The following MAN2A1 variants were observed in gnomAD, a reference collection of about 807,000 sequenced individuals.
MAN2A1 encodes the protein mannosidase alpha class 2A member 1.
Under a neutral mutation model 142.6 loss-of-function variants are expected in MAN2A1, and 76 were observed. The observed-to-expected ratio is 0.53, with a 90% CI of 0.44 to 0.65. MAN2A1 has a LOEUF of 0.65. Ranked by LOEUF, MAN2A1 falls within the 30% of genes least tolerant of loss-of-function variation. MAN2A1 has a pLI of 0.00. For synonymous variants in MAN2A1, 559 were observed against 473.2 expected (o/e 1.18, Z -2.35); for missense variants, 1,311 against 1,365.1 (o/e 0.96, Z 0.62).
At chr5:109,848,863 T>C (rs60094028) in intron 19 of MAN2A1, among the ~76,000 whole-genome samples, 1,917 of 152,322 alleles carry the variant, frequency 0.013, 47 homozygotes, top group African/African-American at 0.043. Context: ...TCCTACCCAA[T>C]TGAGTCAGAG....
At chr5:109,836,379 G>A (rs1424038055) in intron 16 of MAN2A1, among the ~76,000 whole-genome samples, 3 of 151,592 alleles carry the variant, frequency 2.0e-5, no homozygotes, top group Admixed American at 1.3e-4. Context: ...GCCTCCCAAA[G>A]TACTGGAATT....
intron 12 of MAN2A1, among the ~76,000 whole-genome samples, chr5:109,815,131 A>G (rs559660199): frequency 2.3e-4 from 35 of 152,290 alleles, no homozygotes; most frequent in African/African-American, 6.5e-4. Context: ...TTTCTTCCCC[A>G]TTGCACCTTA....
chr5:109,781,416 A>G lies in MAN2A1; in HGVS notation c.1395A>G (p.Ser465=), dbSNP rs1488225052. The change falls in exon 9 of 22, where the codon TCA becomes TCG. Residue 465 remains serine (S), a synonymous_variant. Transcript: ENST00000261483. ...FKVKIQFGTL[S]DFFDALDKAD... is the part of the protein sequence containing the mutation. Reference sequence around the variant, plus strand: ...ACTAGATACAGTTTGGAACTTTATCAGATTTTTTTGATGCGCTGGATAAAG... The same window carrying G: ...ACTAGATACAGTTTGGAACTTTATCGGATTTTTTTGATGCGCTGGATAAAG... 8 of 1,604,130 alleles carry G rather than the reference A, an allele frequency of 5.0e-6. No homozygotes were observed. Among genetic ancestry groups the G allele is most frequent in the Non-Finnish European group, 6.8e-6 (8 of 1,177,408 alleles).
intron 16 of MAN2A1, among the ~76,000 whole-genome samples, chr5:109,832,161 C>CATTTTTT: frequency 2.0e-5 from 1 of 51,228 alleles, no homozygotes. Context: ...AAGGAGTTTT[C>CATTTTTT]TTTTTTTTTT....
chr5:109,817,178 GTATA>G (rs1754484952), intron 12 of MAN2A1, 91 bp from the exon 13 acceptor site: 2 of 222,040 alleles, frequency 9.0e-6, no homozygotes, highest in African/African-American at 1.4e-4. Context: ...AAATATATAT[GTATA>G]TGTATATGTA....
chr5:109,812,809 C>T (rs1754353748), intron 12 of MAN2A1, among the ~76,000 whole-genome samples: 1 of 151,954 alleles, frequency 6.6e-6, no homozygotes, highest in South Asian at 2.1e-4. Context: ...CTATAAAGCC[C>T]CACATCAGTA....
intron 12 of MAN2A1, among the ~76,000 whole-genome samples, chr5:109,806,546 A>G (rs941961365): frequency 1.3e-4 from 20 of 152,224 alleles, no homozygotes; most frequent in Non-Finnish European, 1.5e-4. Flanking sequence ...GTCTGTTAGT[A>G]TTATAAACAA....
intron 19 of MAN2A1, among the ~76,000 whole-genome samples, chr5:109,850,667 A>G (rs1051555813): frequency 6.6e-5 from 10 of 152,204 alleles, no homozygotes; most frequent in African/African-American, 2.4e-4. Context: ...TTATATTGAC[A>G]CTAATCTATA....
At chr5:109,829,377 A>G (rs973199759) in intron 16 of MAN2A1, among the ~76,000 whole-genome samples, 1 of 152,136 alleles carries the variant, frequency 6.6e-6, no homozygotes, top group Non-Finnish European at 1.5e-5. Context: ...CTCTGATGAA[A>G]CTTTCCTGGG....
In MAN2A1 at chr5:109,823,838, G is replaced by T. The variant is rs763949251; in HGVS notation, c.2566+1G>T. On this transcript the variant is annotated splice_donor_variant, in intron 16 of 21. Transcript: ENST00000261483. LOFTEE classifies it high-confidence loss of function. ...AGAGTCCGACTATACCACATACAGGGTAAGAAAATAGGAATGCAGTTATGA... is the reference window on the plus strand; with the variant it reads ...AGAGTCCGACTATACCACATACAGGTTAAGAAAATAGGAATGCAGTTATGA... 6.8e-7 allele frequency: 1 copy of T among 1,462,154 alleles called. No individual in the cohort carries two copies. The highest frequency in any genetic ancestry group is 2.1e-5 in the Admixed American group (1 of 46,906). The allele number at this position is 1,462,154 out of a possible 1,614,324, so 90.6% of individuals were successfully genotyped here. A position where few individuals can be genotyped will look rare whatever the true frequency, so the allele number is the denominator to read the frequency against.
rs933901760 is a variant in MAN2A1 at position 109,755,423 on chromosome 5, A to G, written c.802A>G (p.Ile268Val). The G allele has an allele frequency of 1.9e-6, 3 of 1,611,202 alleles. No homozygotes were observed. The highest frequency in any genetic ancestry group is 1.7e-5 in the Admixed American group (1 of 59,992). The change falls in exon 5 of 22, where the codon ATT becomes GTT. Residue 268 changes from isoleucine (I) to valine (V), a missense_variant. Coordinates refer to ENST00000261483, the MANE Select transcript of MAN2A1 (RefSeq NM_002372.4). ...TTATTTTGCCTTAATTGATCAACTA[A>G]TTGAAGGACATCAGTGGCTGGAAAA... is the stretch of plus-strand genomic sequence containing the variant. ...PHYFALIDQL[I>V]EGHQWLENNI...
chr5:109,828,383 A>C (rs574745001), intron 16 of MAN2A1, among the ~76,000 whole-genome samples: 68 of 152,342 alleles, frequency 4.5e-4, no homozygotes, highest in African/African-American at 1.5e-3. Context: ...AAGATAGAAT[A>C]TAATACAAAC....
chr5:109,807,922 C>T (rs1754211609), intron 12 of MAN2A1, among the ~76,000 whole-genome samples: 1 of 152,160 alleles, frequency 6.6e-6, no homozygotes, highest in South Asian at 2.1e-4. Flanking sequence ...TGAGCCTTCA[C>T]CCCTTAAGTT....
intron 2 of MAN2A1, among the ~76,000 whole-genome samples, chr5:109,715,345 C>T (rs1273542060): frequency 7.4e-6 from 1 of 135,686 alleles, no homozygotes. Context: ...CTAGTTTTAA[C>T]ATAATTTAAA....
At chr5:109,697,240 T>G (rs1420426167) in intron 1 of MAN2A1, among the ~76,000 whole-genome samples, 1 of 152,228 alleles carries the variant, frequency 6.6e-6, no homozygotes, top group Non-Finnish European at 1.5e-5. Context: ...AGTGTATTGT[T>G]TTTATTTCTG....
rs911003774 is a variant in MAN2A1 at position 109,869,490 on chromosome 5, G to A, written c.*2492G>A. The stretch of plus-strand genomic sequence containing the variant: ...TGTTTTGATATTCCTTTGTCTGGAA[G>A]AAAATGTTTGCTTTCATTTTGATCA... On this transcript the variant is annotated 3_prime_UTR_variant, in exon 22 of 22. Coordinates refer to ENST00000261483, the MANE Select transcript of MAN2A1 (RefSeq NM_002372.4). The A allele has an allele frequency of 6.6e-6, 1 of 152,120 alleles. No individual in the cohort carries two copies. Among genetic ancestry groups the A allele is most frequent in the East Asian group, 1.9e-4 (1 of 5,198 alleles). The allele number at this position is 152,120 out of a possible 1,614,324, so 9.4% of individuals were successfully genotyped here. A position where few individuals can be genotyped will look rare whatever the true frequency, so the allele number is the denominator to read the frequency against.
At chr5:109,713,826 T>C in intron 2 of MAN2A1, 52 bp downstream of exon 2, 1 of 1,534,986 alleles carries the variant, frequency 6.5e-7, no homozygotes, top group Non-Finnish European at 8.8e-7. Context: ...TTTTGTTCTT[T>C]TTAAGATTTG....
intron 16 of MAN2A1, among the ~76,000 whole-genome samples, chr5:109,832,733 C>T (rs1355097724): frequency 1.3e-5 from 2 of 149,740 alleles, no homozygotes; most frequent in Non-Finnish European, 3.0e-5. Flanking sequence ...GGCCCCCCCA[C>T]TTCCCTCCCG....
chr5:109,780,611 A>T (rs1029102378), intron 8 of MAN2A1, among the ~76,000 whole-genome samples: 2 of 152,100 alleles, frequency 1.3e-5, no homozygotes, highest in African/African-American at 4.8e-5. Context: ...TCCCTGTTAA[A>T]TAATCTGTTT....
Sources: allele counts gnomAD v4.1 joint callset (sites outside exome capture counted in the v4.1 genomes callset), GRCh38; gene constraint gnomAD v4.1.1; transcripts MANE v1.5; gene names NCBI Gene and HGNC (gene_info 2026-07-23, HGNC 2026-07-21).